Variants in FAM83D observed in about 807,000 individuals in gnomAD.
FAM83D encodes the protein scaffolding CK1 anchoring protein D, also known as protein FAM83D.
A neutral mutation model predicts 25.4 loss-of-function variants in FAM83D; 26 were observed. That is an observed-to-expected ratio of 1.02 (90% CI 0.75 to 1.42). The LOEUF is 1.42. Among genes scored for constraint, FAM83D ranks in the 40% most tolerant of loss-of-function variants. The pLI, the probability that FAM83D is intolerant of heterozygous loss-of-function variation, is 0.00. For missense variants in FAM83D, 740 were observed against 758.1 expected (o/e 0.98, Z 0.28); for synonymous variants, 310 against 318.5 (o/e 0.97, Z 0.28).
In FAM83D at chr20:38,951,844, A is replaced by G. The variant is rs767214100; in HGVS notation, c.1082A>G (p.His361Arg). Reference protein sequence around the residue: ...PAEGKAERKPHDCESSTVSEE... With the variant: ...PAEGKAERKPRDCESSTVSEE... The stretch of plus-strand genomic sequence containing the variant: ...GAGGGCAAGGCAGAGCGCAAGCCCC[A>G]TGACTGTGAGTCCTCTACTGTTAGT... The change falls in exon 4 of 4, where the codon CAT becomes CGT. Residue 361 changes from histidine to arginine, a missense_variant. His to Arg is a conservative substitution (Grantham distance 29, BLOSUM62 0). Around this residue, in one of 3 missense-constraint regions of FAM83D, gnomAD observed 375 missense variants for 403.2 expected, o/e 0.93. Transcript: ENST00000619850. 71 of 1,614,116 alleles carry G rather than the reference A, an allele frequency of 4.4e-5. No individual in the cohort carries two copies. The highest frequency in any genetic ancestry group is 5.5e-5 in the Non-Finnish European group (65 of 1,180,044).
At chr20:38,939,147 C>T (rs936154764) in intron 1 of FAM83D, among the ~76,000 whole-genome samples, 8 of 152,184 alleles carry the variant, frequency 5.3e-5, no homozygotes, top group African/African-American at 1.9e-4. Context: ...CCTACCTCTT[C>T]CTCTGTTATC....
chr20:38,948,219 G>A (rs573891078), intron 3 of FAM83D, among the ~76,000 whole-genome samples: 1 of 152,324 alleles, frequency 6.6e-6, no homozygotes, highest in East Asian at 1.9e-4. Flanking sequence ...TTAAAATGCA[G>A]AAGTTGAACT....
intron 2 of FAM83D, among the ~76,000 whole-genome samples, chr20:38,945,258 A>C (rs1429793718): frequency 6.6e-5 from 10 of 152,078 alleles, no homozygotes; most frequent in Non-Finnish European, 1.5e-5. Flanking sequence ...AACCACACCT[A>C]ATCTGCCCAT....
In FAM83D at chr20:38,926,707, T is replaced by C; in HGVS notation, c.265T>C (p.Ser89Pro). The change falls in exon 1 of 4, where the codon TCG (serine) becomes CCG (proline). Residue 89 changes from serine (S) to proline (P), a missense_variant. Around this residue, in one of 3 missense-constraint regions of FAM83D, gnomAD observed 333 missense variants for 298.6 expected, o/e 1.12. Coordinates refer to ENST00000619850, the MANE Select transcript of FAM83D (RefSeq NM_030919.3). ...GGCGGCGGCGGCGGCGGCCGAGGACTCGTTCGGCTCCTCGCACGACTGCTC... is the reference window on the plus strand; with the variant it reads ...GGCGGCGGCGGCGGCGGCCGAGGACCCGTTCGGCTCCTCGCACGACTGCTC... Reference protein sequence around the residue: ...GAAAAAAAEDSFGSSHDCSSG... With the variant: ...GAAAAAAAEDPFGSSHDCSSG... 6.6e-7 allele frequency: 1 copy of C among 1,520,374 alleles called. No homozygotes were observed. The allele number at this position is 1,520,374 out of a possible 1,614,324, so 94.2% of individuals were successfully genotyped here. A position where few individuals can be genotyped will look rare whatever the true frequency, so the allele number is the denominator to read the frequency against.
At chr20:38,939,589 A>T (rs969210886) in intron 1 of FAM83D, among the ~76,000 whole-genome samples, 2 of 152,056 alleles carry the variant, frequency 1.3e-5, no homozygotes, top group African/African-American at 4.8e-5. Context: ...GACCTCAGGT[A>T]ATCCACCCAC....
chr20:38,947,726 A>G (rs907290554), intron 2 of FAM83D, 150 bp from the exon 3 acceptor site: 2 of 801,496 alleles, frequency 2.5e-6, no homozygotes, highest in African/African-American at 1.7e-5. Flanking sequence ...TGTACCATGT[A>G]TACTGTCACT....
intron 1 of FAM83D, among the ~76,000 whole-genome samples, chr20:38,936,936 A>C (rs1258579398): frequency 1.3e-5 from 2 of 152,196 alleles, no homozygotes; most frequent in South Asian, 4.1e-4. Context: ...TAGGTTCCCA[A>C]GTCCCTTGGT....
chr20:38,932,082 A>G (rs2085660937), intron 1 of FAM83D, among the ~76,000 whole-genome samples: 2 of 152,216 alleles, frequency 1.3e-5, no homozygotes, highest in African/African-American at 4.8e-5. Context: ...AATGAGGTAC[A>G]GTGTTTAAAA....
intron 1 of FAM83D, among the ~76,000 whole-genome samples, chr20:38,928,974 C>G (rs563711107): frequency 1.3e-5 from 2 of 151,830 alleles, no homozygotes; most frequent in African/African-American, 2.4e-5. Context: ...GTCAGGAGTT[C>G]GAGACCAGCC....
chr20:38,949,595 A>C lies in FAM83D; in HGVS notation c.776+1595A>C, dbSNP rs144671869. 4.5e-3 allele frequency among the ~76,000 whole-genome samples: 685 copies of C among 152,268 alleles called. 3 individuals carry two copies. Among genetic ancestry groups the C allele is most frequent in the Non-Finnish European group, 7.4e-3 (504 of 68,016 alleles). ...GTTCTATGATCTCTGTTTGAAACCT[A>C]CTTCTGGTACAAATACCACCATTAG... On this transcript the variant is annotated intron_variant, in intron 3 of 3. Coordinates refer to ENST00000619850, the MANE Select transcript of FAM83D (RefSeq NM_030919.3).
At chr20:38,930,526 G>A (rs1312983525) in intron 1 of FAM83D, among the ~76,000 whole-genome samples, 1 of 151,932 alleles carries the variant, frequency 6.6e-6, no homozygotes, top group Non-Finnish European at 1.5e-5. Flanking sequence ...TGTCACCCAC[G>A]CTGGAGTGCA....
At position 38,952,025 on chromosome 20, in the gene FAM83D, G is replaced by A. The variant is rs1215641692; in HGVS notation, c.1263G>A (p.Gln421=). ...TCACCACAGCATGTGCTGGTACCCA[G>A]ACTGCAGTCATCACCAGGATAGCAA... ...TSITTACAGT[Q]TAVITRIASS... Residue 421 remains glutamine (Q), a synonymous_variant, in exon 4 of 4, where the codon CAG becomes CAA. Coordinates refer to ENST00000619850, the MANE Select transcript of FAM83D (RefSeq NM_030919.3). 1 of 1,614,098 alleles carries A rather than the reference G, an allele frequency of 6.2e-7. No homozygotes were observed. Among genetic ancestry groups the A allele is most frequent in the Non-Finnish European group, 8.5e-7 (1 of 1,180,044 alleles).
Position 38,952,282 on chromosome 20 carries a change from A to T in FAM83D, c.1520A>T (p.Tyr507Phe). The T allele has an allele frequency of 6.2e-7, 1 of 1,614,106 alleles. No individual in the cohort carries two copies. Among genetic ancestry groups the T allele is most frequent in the Non-Finnish European group, 8.5e-7 (1 of 1,180,010 alleles). ...IRTTDFHNPG[Y>F]PKYLGTPHLE... ...ACCACTGACTTCCACAATCCTGGCTATCCCAAGTACCTGGGCACCCCCCAC... is the reference window on the plus strand; with the variant it reads ...ACCACTGACTTCCACAATCCTGGCTTTCCCAAGTACCTGGGCACCCCCCAC... The change falls in exon 4 of 4, where the codon TAT becomes TTT. Residue 507 changes from tyrosine to phenylalanine, a missense_variant. Coordinates refer to ENST00000619850, the MANE Select transcript of FAM83D (RefSeq NM_030919.3).
rs2085755021 is a variant in FAM83D at position 38,951,727 on chromosome 20, A to G, written c.965A>G (p.Lys322Arg). The part of the protein sequence containing the change: ...DHLTNRKPQS[K>R]ELTLGNLLRM... ...CTCACCAACCGAAAACCACAGTCCA[A>G]GGAGCTCACCCTGGGCAACCTGCTG... Residue 322 changes from lysine to arginine, a missense_variant, in exon 4 of 4, where the codon AAG becomes AGG. Around this residue, in one of 3 missense-constraint regions of FAM83D, gnomAD observed 375 missense variants for 403.2 expected, o/e 0.93. Transcript: ENST00000619850. 3 of 1,614,072 alleles carry G rather than the reference A, an allele frequency of 1.9e-6. No homozygotes were observed. The highest frequency in any genetic ancestry group is 2.5e-6 in the Non-Finnish European group (3 of 1,180,046).
At chr20:38,940,336 A>C (rs933704201) in intron 1 of FAM83D, among the ~76,000 whole-genome samples, 2 of 152,072 alleles carry the variant, frequency 1.3e-5, no homozygotes, top group East Asian at 3.9e-4. Context: ...CAGGCCCTGG[A>C]GTGTTGGAGA....
At chr20:38,947,662 G>C (rs2085733864) in intron 2 of FAM83D, among the ~76,000 whole-genome samples, 2 of 152,352 alleles carry the variant, frequency 1.3e-5, no homozygotes, top group Admixed American at 6.5e-5. Flanking sequence ...CAGATGAGAA[G>C]ATGGACCAAA....
Position 38,952,657 on chromosome 20 carries a change from T to G in FAM83D, c.*137T>G. 2.1e-6 allele frequency: 2 copies of G among 962,202 alleles called. No individual in the cohort carries two copies. The highest frequency in any genetic ancestry group is 1.6e-6 in the Non-Finnish European group (1 of 643,032). The allele number at this position is 962,202 out of a possible 1,614,324, so 59.6% of individuals were successfully genotyped here. ...TCACCTTTGTTGTCTTTGAATTCTT[T>G]AGGCTGCATATTATTTTACATGCTT... On this transcript the variant is annotated 3_prime_UTR_variant, in exon 4 of 4. Coordinates refer to ENST00000619850, the MANE Select transcript of FAM83D (RefSeq NM_030919.3).
chr20:38,926,567 G>T lies in FAM83D; in HGVS notation c.125G>T (p.Gly42Val). The T allele has an allele frequency of 6.4e-7, 1 of 1,566,362 alleles. No homozygotes were observed. The part of the protein sequence containing the change: ...RRLALEELVA[G>V]GPEAFAAFLR... ...CTGGCTCTGGAGGAGCTGGTGGCGG[G>T]CGGCCCCGAAGCCTTCGCGGCCTTC... The change falls in exon 1 of 4, where the codon GGC (glycine) becomes GTC (valine). Residue 42 changes from glycine to valine, a missense_variant. Around this residue, in one of 3 missense-constraint regions of FAM83D, gnomAD observed 333 missense variants for 298.6 expected, o/e 1.12. Transcript: ENST00000619850.
At chr20:38,928,561 C>T (rs957002365) in intron 1 of FAM83D, among the ~76,000 whole-genome samples, 13 of 152,176 alleles carry the variant, frequency 8.5e-5, no homozygotes, top group Middle Eastern at 6.3e-3. Context: ...AACTTGAGCA[C>T]TTGGAACCTG....
Sources: allele counts gnomAD v4.1 joint callset (sites outside exome capture counted in the v4.1 genomes callset), GRCh38; gene constraint gnomAD v4.1.1; regional missense constraint gnomAD v4.1.1; transcripts MANE v1.5; gene names NCBI Gene and HGNC (gene_info 2026-07-23, HGNC 2026-07-21).